LRP5: variants seen among roughly 807,000 people sequenced by gnomAD.
LRP5 encodes the protein low-density lipoprotein receptor-related protein 5.
LRP5 carries 62 observed loss-of-function variants against 154.1 expected under a neutral mutation model. That is an observed-to-expected ratio of 0.40 (90% CI 0.33 to 0.50). The LOEUF (loss-of-function observed/expected upper bound fraction) is 0.50. Among genes scored for constraint, LRP5 ranks in the 20% least tolerant of loss-of-function variants. The pLI, the probability that LRP5 is intolerant of heterozygous loss-of-function variation, is 0.55. For missense variants in LRP5, 1,915 were observed against 2,336.7 expected (o/e 0.82, Z 3.72); for synonymous variants, 966 against 1,011.5 (o/e 0.96, Z 0.85).
chr11:68,325,063 GACTA>G (rs2098598889), intron 1 of LRP5, among the ~76,000 whole-genome samples: 1 of 152,188 alleles, frequency 6.6e-6, no homozygotes, highest in Non-Finnish European at 1.5e-5. Context: ...CATCAGGGTG[GACTA>G]TAGCCCAGAG....
At chr11:68,298,988 A>G in the LRP5 span, among the ~76,000 whole-genome samples, 1 of 152,166 alleles carries the variant, frequency 6.6e-6, no homozygotes, top group Non-Finnish European at 1.5e-5. Context: ...AAGCTGCACA[A>G]TATTTCCCAG....
At chr11:68,324,420 G>A (rs563248772) in intron 1 of LRP5, among the ~76,000 whole-genome samples, 2 of 152,230 alleles carry the variant, frequency 1.3e-5, no homozygotes, top group South Asian at 2.1e-4. Context: ...CAGGGTGCCC[G>A]GCGTGTGCCC....
At chr11:68,349,591 G>T (rs938113087) in intron 2 of LRP5, among the ~76,000 whole-genome samples, 1 of 152,214 alleles carries the variant, frequency 6.6e-6, no homozygotes, top group Non-Finnish European at 1.5e-5. Flanking sequence ...GTCCTCCTCA[G>T]CTCCTAGTCT....
intron 7 of LRP5, among the ~76,000 whole-genome samples, chr11:68,394,228 G>A (rs1051942525): frequency 1.3e-5 from 2 of 152,146 alleles, no homozygotes; most frequent in Admixed American, 6.5e-5. Context: ...TAGGACAGGG[G>A]GTTCTGGGGA....
intron 1 of LRP5, among the ~76,000 whole-genome samples, chr11:68,346,256 T>C (rs312781): frequency 0.2 from 30,103 of 152,284 alleles, 3,694 homozygotes; most frequent in Non-Finnish European, 0.29. Flanking sequence ...CACAAAGAAC[T>C]GTAGACCTAA....
intron 13 of LRP5, among the ~76,000 whole-genome samples, chr11:68,422,652 A>G (rs1162943598): frequency 6.6e-6 from 1 of 152,128 alleles, no homozygotes; most frequent in African/African-American, 2.4e-5. Context: ...GAGAGTGTGG[A>G]GACGGAGAGT....
intron 5 of LRP5, among the ~76,000 whole-genome samples, chr11:68,368,244 G>A (rs1591236484): frequency 6.6e-6 from 1 of 152,182 alleles, no homozygotes; most frequent in Non-Finnish European, 1.5e-5. Flanking sequence ...GAAGCAAGCC[G>A]GCACACAGAT....
Position 68,390,054 on chromosome 11 carries a change from T to G in LRP5, c.1584+2T>G, listed in dbSNP as rs1362292249. 1 of 1,614,160 alleles carries G rather than the reference T, an allele frequency of 6.2e-7. No individual in the cohort carries two copies. Among genetic ancestry groups the G allele is most frequent in the Non-Finnish European group, 8.5e-7 (1 of 1,180,020 alleles). On this transcript the variant is annotated splice_donor_variant, in intron 7 of 22. Coordinates refer to ENST00000294304, the MANE Select transcript of LRP5 (RefSeq NM_002335.4). LOFTEE classifies it high-confidence loss of function. ...GACGCCAAGACAGACAAGATCGAGGTGAGGCTCCTGTGGACATGTTTGATC... is the reference window on the plus strand; with the variant it reads ...GACGCCAAGACAGACAAGATCGAGGGGAGGCTCCTGTGGACATGTTTGATC...
At chr11:68,380,614 G>C (rs1409141659) in intron 5 of LRP5, among the ~76,000 whole-genome samples, 1 of 152,208 alleles carries the variant, frequency 6.6e-6, no homozygotes, top group African/African-American at 2.4e-5. Flanking sequence ...CGCACGGCGG[G>C]CTGTTTGCAT....
intron 4 of LRP5, among the ~76,000 whole-genome samples, chr11:68,364,288 G>A (rs1385297212): frequency 1.3e-5 from 2 of 151,592 alleles, no homozygotes; most frequent in Non-Finnish European, 2.9e-5. Context: ...GTGTGTGTGT[G>A]TATATGTATT....
rs747131775 is a variant in LRP5 at position 68,406,682 on chromosome 11, G to T, written c.1960G>T (p.Ala654Ser). Residue 654 changes from alanine (A) to serine (S), a missense_variant, in exon 9 of 23, where the codon GCC (alanine) becomes TCC (serine). Coordinates refer to ENST00000294304, the MANE Select transcript of LRP5 (RefSeq NM_002335.4). Reference sequence around the variant, plus strand: ...CTTCTTGGTCTTCACCAGCAGAGCCGCCATCCACAGGATCTCCCTCGAGAC... The same window carrying T: ...CTTCTTGGTCTTCACCAGCAGAGCCTCCATCCACAGGATCTCCCTCGAGAC... Reference protein sequence around the residue: ...EAFLVFTSRAAIHRISLETNN... With the variant: ...EAFLVFTSRASIHRISLETNN... 2.5e-6 allele frequency: 4 copies of T among 1,614,148 alleles called. No individual in the cohort carries two copies. The highest frequency in any genetic ancestry group is 3.4e-6 in the Non-Finnish European group (4 of 1,180,044).
At position 68,386,729 on chromosome 11, in the gene LRP5, C is replaced by A; in HGVS notation, c.1412+17C>A. The A allele has an allele frequency of 6.2e-7, 1 of 1,608,020 alleles. No homozygotes were observed. The highest frequency in any genetic ancestry group is 8.5e-7 in the Non-Finnish European group (1 of 1,177,356). ...CGTGATGGGGTAAGACGGGCGGGGG[C>A]TGGGGCCTGGAGCCAGGGCCAGGCC... On this transcript the variant is annotated intron_variant, in intron 6 of 22. Transcript: ENST00000294304. The surrounding 1 kb of genome is among the most constrained non-coding windows in gnomAD (Gnocchi z 7.9).
At chr11:68,419,830 C>T (rs1434192776) in intron 13 of LRP5, among the ~76,000 whole-genome samples, 2 of 152,030 alleles carry the variant, frequency 1.3e-5, no homozygotes, top group African/African-American at 4.8e-5. Flanking sequence ...GTGTGAGCCA[C>T]CGTGCCCGGC....
intron 9 of LRP5, among the ~76,000 whole-genome samples, chr11:68,407,539 G>T (rs978603696): frequency 1.3e-5 from 2 of 150,890 alleles, no homozygotes; most frequent in South Asian, 4.2e-4. Context: ...TTCTGATTCT[G>T]TAAAGAAAGT....
chr11:68,330,809 G>T (rs532584893), intron 1 of LRP5, among the ~76,000 whole-genome samples: 25 of 152,362 alleles, frequency 1.6e-4, no homozygotes, highest in African/African-American at 6.0e-4. Flanking sequence ...TCACCCTGAT[G>T]CGCATTAGCC....
upstream of LRP5, among the ~76,000 whole-genome samples, chr11:68,308,684 A>C (rs2098585476): frequency 6.6e-6 from 1 of 152,016 alleles, no homozygotes; most frequent in African/African-American, 2.4e-5. Flanking sequence ...CTCCGGTTGG[A>C]GTCAGGCACC....
intron 9 of LRP5, among the ~76,000 whole-genome samples, chr11:68,407,431 C>G (rs2098656371): frequency 6.6e-6 from 1 of 151,430 alleles, no homozygotes; most frequent in African/African-American, 2.4e-5. Context: ...CTCGGCCTCC[C>G]AAAGTGCTGA....
chr11:68,432,695 T>C (rs1327110177), intron 17 of LRP5, among the ~76,000 whole-genome samples: 4 of 152,146 alleles, frequency 2.6e-5, no homozygotes, highest in Non-Finnish European at 5.9e-5. Flanking sequence ...CCAGCCTCTG[T>C]TTCCTGTGAT....
At chr11:68,363,066 G>A (rs999696277) in intron 3 of LRP5, among the ~76,000 whole-genome samples, 5 of 152,224 alleles carry the variant, frequency 3.3e-5, no homozygotes, top group African/African-American at 1.2e-4. Context: ...GCTGTTTCTC[G>A]GGTTGATGCC....
Sources: gnomAD v4.1 joint callset for allele counts (sites outside exome capture counted in the v4.1 genomes callset) on GRCh38, gnomAD v4.1.1 for gene constraint, Gnocchi (gnomAD v3.1) non-coding constraint, MANE v1.5 for transcripts, NCBI Gene and HGNC (gene_info 2026-07-23, HGNC 2026-07-21) for gene names.